LSM2: variants seen among roughly 807,000 people sequenced by gnomAD.
The protein encoded by LSM2 is U6 snRNA-associated Sm-like protein LSm2.
A neutral mutation model predicts 17.0 loss-of-function variants in LSM2; 12 were observed. That is an observed-to-expected ratio of 0.70 (90% CI 0.45 to 1.14). The LOEUF (loss-of-function observed/expected upper bound fraction) is 1.14. Among genes scored for constraint, LSM2 ranks in the 50% most tolerant of loss-of-function variants. The probability of loss-of-function intolerance (pLI) is 0.00; values close to 1 mark genes in which losing one functional copy is unlikely to be tolerated. For missense variants in LSM2, 62 were observed against 111.8 expected (o/e 0.55, Z 2.01); for synonymous variants, 42 against 44.5 (o/e 0.94, Z 0.22).
At chr6:31,804,588 A>G (rs1005593295) in intron 2 of LSM2, among the ~76,000 whole-genome samples, 1 of 152,028 alleles carries the variant, frequency 6.6e-6, no homozygotes, top group Non-Finnish European at 1.5e-5. Context: ...TCTTTCTTTA[A>G]GCACCTATCA....
intron 1 of LSM2, 158 bp downstream of exon 1, chr6:31,806,597 C>G: frequency 1.0e-6 from 1 of 988,324 alleles, no homozygotes; most frequent in Non-Finnish European, 1.6e-6. Flanking sequence ...CCCATTTGTT[C>G]TCAGTGCCTC....
intron 2 of LSM2, among the ~76,000 whole-genome samples, chr6:31,804,063 T>C (rs1279958175): frequency 6.6e-6 from 1 of 152,128 alleles, no homozygotes; most frequent in East Asian, 1.9e-4. Context: ...ATAAATATTA[T>C]TTTAAGAAAG....
At chr6:31,802,106 C>T (rs1481367550) in intron 2 of LSM2, among the ~76,000 whole-genome samples, 1 of 151,556 alleles carries the variant, frequency 6.6e-6, no homozygotes, top group Non-Finnish European at 1.5e-5. Flanking sequence ...ATGGTGAAAC[C>T]CGATGTCTAC....
At chr6:31,798,239 G>A (rs766035305) in intron 3 of LSM2, among the ~76,000 whole-genome samples, 190 bp from the exon 4 acceptor site, 3 of 151,982 alleles carry the variant, frequency 2.0e-5, no homozygotes, top group South Asian at 2.1e-4. Flanking sequence ...CCACCACCAC[G>A]CCCAGCTAAT....
At position 31,806,884 on chromosome 6, in the gene LSM2, G is replaced by C; in HGVS notation, c.-127C>G. On this transcript the variant is annotated 5_prime_UTR_variant, in exon 1 of 5. Coordinates refer to ENST00000375661, the MANE Select transcript of LSM2 (RefSeq NM_021177.5). ...GGACCGCGCAGGCGCAGCGGGAAGC[G>C]ACGCAGAAAGCTCCAAGCGCTGACG... 1 of 1,280,126 alleles carries C rather than the reference G, an allele frequency of 7.8e-7. No homozygotes were observed. The highest frequency in any genetic ancestry group is 1.1e-6 in the Non-Finnish European group (1 of 949,534). The allele number at this position is 1,280,126 out of a possible 1,614,324, so 79.3% of individuals were successfully genotyped here. A position where few individuals can be genotyped will look rare whatever the true frequency, so the allele number is the denominator to read the frequency against.
At chr6:31,804,492 T>C (rs998815545) in intron 2 of LSM2, among the ~76,000 whole-genome samples, 5 of 152,308 alleles carry the variant, frequency 3.3e-5, no homozygotes, top group Admixed American at 6.5e-5. Context: ...ACAGCAATAG[T>C]ATATATTACT....
At chr6:31,797,952 T>A in intron 4 of LSM2, 38 bp downstream of exon 4, 4 of 1,610,908 alleles carry the variant, frequency 2.5e-6, no homozygotes, top group Non-Finnish European at 1.7e-6. Context: ...GCCTCCTGCT[T>A]TAGAGGTGTT....
chr6:31,804,543 T>C (rs1814893124), intron 2 of LSM2, among the ~76,000 whole-genome samples: 1 of 152,108 alleles, frequency 6.6e-6, no homozygotes, highest in African/African-American at 2.4e-5. Flanking sequence ...GTATTCAGAA[T>C]AGTGGTTAGT....
intron 2 of LSM2, among the ~76,000 whole-genome samples, chr6:31,802,244 C>T (rs1465229681): frequency 6.6e-6 from 1 of 151,626 alleles, no homozygotes; most frequent in Non-Finnish European, 1.5e-5. Context: ...CATGCCACTG[C>T]ACTCCAACCT....
rs1035035906 is a variant in LSM2, at chr6:31,806,912, C to A, written c.-155G>T. 5.8e-6 allele frequency: 6 copies of A among 1,028,646 alleles called. No individual in the cohort carries two copies. The highest frequency in any genetic ancestry group is 6.9e-6 in the Non-Finnish European group (5 of 726,070). The allele number at this position is 1,028,646 out of a possible 1,614,324, so 63.7% of individuals were successfully genotyped here. ...GCAGAAAGCTCCAAGCGCTGACGGGCAAAGCGCGGCCGACTTGCGGCTGGG... is the reference window on the plus strand; with the variant it reads ...GCAGAAAGCTCCAAGCGCTGACGGGAAAAGCGCGGCCGACTTGCGGCTGGG... On this transcript the variant is annotated 5_prime_UTR_variant, in exon 1 of 5. Coordinates refer to ENST00000375661, the MANE Select transcript of LSM2 (RefSeq NM_021177.5).
Position 31,806,951 on chromosome 6 carries a change from G to A in LSM2, c.-194C>T, listed in dbSNP as rs987421462. 11 of 657,416 alleles carry A rather than the reference G, an allele frequency of 1.7e-5. No individual in the cohort carries two copies. The highest frequency in any genetic ancestry group is 3.9e-5 in the African/African-American group (2 of 51,732). The allele number at this position is 657,416 out of a possible 1,614,324, so 40.7% of individuals were successfully genotyped here. A position where few individuals can be genotyped will look rare whatever the true frequency, so the allele number is the denominator to read the frequency against. On this transcript the variant is annotated 5_prime_UTR_variant, in exon 1 of 5. Coordinates refer to ENST00000375661, the MANE Select transcript of LSM2 (RefSeq NM_021177.5). ...CTTGCGGCTGGGGAGCGCAAGCTGG[G>A]TAGAGTAGAGGGGAGGAGGAAGCCG...
At chr6:31,806,036 A>G (rs777925579) in intron 2 of LSM2, 39 bp downstream of exon 2, 1 of 1,590,164 alleles carries the variant, frequency 6.3e-7, no homozygotes, top group South Asian at 1.1e-5. Flanking sequence ...GGCCCTGGGC[A>G]CACCCACCCC....
At chr6:31,799,691 G>A (rs1042899498) in intron 2 of LSM2, among the ~76,000 whole-genome samples, 1 of 144,484 alleles carries the variant, frequency 6.9e-6, no homozygotes, top group African/African-American at 2.6e-5. Flanking sequence ...GGGTCTCACT[G>A]TGAATGTCAC....
chr6:31,800,570 C>T (rs1562325682), intron 2 of LSM2, among the ~76,000 whole-genome samples: 1 of 151,888 alleles, frequency 6.6e-6, no homozygotes, highest in Non-Finnish European at 1.5e-5. Flanking sequence ...CTGGCCAACA[C>T]GGCGAATCCC....
chr6:31,801,462 G>A (rs1001553206), intron 2 of LSM2, among the ~76,000 whole-genome samples: 2 of 152,166 alleles, frequency 1.3e-5, no homozygotes, highest in Non-Finnish European at 2.9e-5. Context: ...AGGAGGGGGA[G>A]ATACATAGCA....
chr6:31,806,715 G>A, intron 1 of LSM2, 40 bp downstream of exon 1: 1 of 1,606,584 alleles, frequency 6.2e-7, no homozygotes. Context: ...AACCATGCGA[G>A]GTCCCCGAGG....
chr6:31,804,859 C>G (rs1814926298), intron 2 of LSM2, among the ~76,000 whole-genome samples: 1 of 150,702 alleles, frequency 6.6e-6, no homozygotes, highest in African/African-American at 2.4e-5. Flanking sequence ...TTCCGCCTCC[C>G]AGGTTCACGC....
rs542066918 is a variant in LSM2, at chr6:31,805,985, C to T, written c.71+90G>A. 28 of 1,155,134 alleles carry T rather than the reference C, an allele frequency of 2.4e-5. No individual in the cohort carries two copies. The South Asian group carries it at 3.2e-4, about 13-fold the overall frequency. 71.6% of individuals were successfully genotyped at this position (1,155,134 alleles called of 1,614,324 possible). ...TATTTCTTCTGTACATCTTCCACCT[C>T]GCCTAGCCCTGAAATATTTCTCAAA... On this transcript the variant is annotated intron_variant, in intron 2 of 4. Transcript: ENST00000375661.
intron 3 of LSM2, 79 bp from the exon 4 acceptor site, chr6:31,798,128 C>T (rs1814492944): frequency 1.5e-6 from 2 of 1,291,680 alleles, no homozygotes; most frequent in Non-Finnish European, 2.1e-6. Context: ...GTTGCCCAGG[C>T]TGGAGTGCAA....
Sources: gnomAD v4.1 joint callset for allele counts (sites outside exome capture counted in the v4.1 genomes callset) on GRCh38, gnomAD v4.1.1 for gene constraint, MANE v1.5 for transcripts, NCBI Gene and HGNC (gene_info 2026-07-23, HGNC 2026-07-21) for gene names.